The following INSC variants were observed in gnomAD, a reference collection of about 807,000 sequenced individuals.
The protein encoded by INSC is INSC spindle orientation adaptor protein, also known as protein inscuteable homolog.
In INSC, 67 loss-of-function variants were observed where a neutral mutation model predicts 58.6. The ratio of observed to expected loss-of-function variants is 1.14; its 90% CI spans 0.94 to 1.40. The LOEUF is 1.40. INSC is among the 40% of genes most tolerant of loss of function. The pLI is 0.00. For synonymous variants in INSC, 262 were observed against 276.1 expected, an observed-to-expected ratio of 0.95 and a Z score of 0.51; for missense variants, 714 against 692.0, an observed-to-expected ratio of 1.03 and a Z score of -0.36.
intron 2 of INSC, among the ~76,000 whole-genome samples, chr11:15,167,164 A>T (rs190989658): frequency 6.6e-6 from 1 of 152,100 alleles, no homozygotes; most frequent in East Asian, 1.9e-4. Flanking sequence ...AAATGTGAGC[A>T]GCTTGGGTGC....
intron 7 of INSC, among the ~76,000 whole-genome samples, chr11:15,203,135 T>C (rs893218721): frequency 2.0e-5 from 3 of 152,310 alleles, no homozygotes; most frequent in South Asian, 2.1e-4. Context: ...CTAAATAACA[T>C]AGTAAGTGTT....
At chr11:15,236,500 C>T (rs909358045) in intron 10 of INSC, among the ~76,000 whole-genome samples, 31 of 152,198 alleles carry the variant, frequency 2.0e-4, no homozygotes, top group African/African-American at 6.5e-4. Flanking sequence ...ATGTCTTGAG[C>T]CCTCACTGAG....
At chr11:15,181,287 T>A (rs1265511748) in intron 5 of INSC, among the ~76,000 whole-genome samples, 2 of 152,208 alleles carry the variant, frequency 1.3e-5, no homozygotes, top group Admixed American at 6.5e-5. Context: ...GGTCACAGAT[T>A]TAAAAATATT....
In INSC at chr11:15,190,917, T is replaced by G. The variant is rs540476354; in HGVS notation, c.693+103T>G. 39 of 725,242 alleles carry G rather than the reference T, an allele frequency of 5.4e-5. No individual in the cohort carries two copies. The East Asian group carries it at 8.6e-4, about 16-fold the overall frequency. 44.9% of individuals were successfully genotyped at this position (725,242 alleles called of 1,614,324 possible). A position where few individuals can be genotyped will look rare whatever the true frequency, so the allele number is the denominator to read the frequency against. On this transcript the variant is annotated intron_variant, in intron 6 of 12. Transcript: ENST00000379556. The stretch of plus-strand genomic sequence containing the variant: ...GGCTCACGAGGTCTGTCTTGGCCCC[T>G]GCATTAGCTGCTGAGTCTCCTTGGG...
At position 15,221,550 on chromosome 11, in the gene INSC, C is replaced by T. The variant is rs190828164; in HGVS notation, c.893C>T (p.Ala298Val). The T allele has an allele frequency of 7.7e-5, 124 of 1,614,050 alleles. No individual in the cohort carries two copies. Among genetic ancestry groups the T allele is most frequent in the East Asian group, 3.1e-4 (14 of 44,880 alleles). ...TCAGAGGCCACACGGGCTGAGGCTGCGGCTGTGGTGGCCCAGGTCACCTCC... is the reference window on the plus strand; with the variant it reads ...TCAGAGGCCACACGGGCTGAGGCTGTGGCTGTGGTGGCCCAGGTCACCTCC... ...SHSEATRAEA[A>V]AVVAQVTSPH... Residue 298 changes from alanine (A) to valine (V), a missense_variant, in exon 8 of 13, where the codon GCG becomes GTG. By Grantham distance (64) the Ala-to-Val change is moderately conservative. Coordinates refer to ENST00000379556, the MANE Select transcript of INSC (RefSeq NM_001042536.3).
intron 9 of INSC, among the ~76,000 whole-genome samples, chr11:15,231,069 AG>A (rs1851906486): frequency 6.6e-6 from 1 of 152,166 alleles, no homozygotes; most frequent in East Asian, 1.9e-4. Flanking sequence ...TGCCAGAGGG[AG>A]GAAAAGGCTC....
At chr11:15,195,854 T>C (rs1390491378) in intron 6 of INSC, among the ~76,000 whole-genome samples, 2 of 152,246 alleles carry the variant, frequency 1.3e-5, no homozygotes, top group African/African-American at 4.8e-5. Flanking sequence ...CTGGGCTGTA[T>C]ATTTAAGACA....
intron 2 of INSC, among the ~76,000 whole-genome samples, chr11:15,152,819 G>A (rs1212860542): frequency 6.6e-6 from 1 of 152,186 alleles, no homozygotes; most frequent in Non-Finnish European, 1.5e-5. Context: ...CTGCCAAAAA[G>A]AGGAATCTCG....
At chr11:15,260,240 A>G in the INSC span, among the ~76,000 whole-genome samples, 1 of 152,114 alleles carries the variant, frequency 6.6e-6, no homozygotes, top group East Asian at 1.9e-4. Context: ...CCCTGGACAC[A>G]GGATAGTGGC....
At position 15,171,919 on chromosome 11, in the gene INSC, C is replaced by T. The variant is rs139838305; in HGVS notation, c.57-3822C>T. On this transcript the variant is annotated intron_variant, in intron 2 of 12. Coordinates refer to ENST00000379556, the MANE Select transcript of INSC (RefSeq NM_001042536.3). Reference sequence around the variant, plus strand: ...AGTGCAGCTTAGTTCAGAAGCCCACCGCTGGATCAAGCACCAATTGTTTCC... The same window carrying T: ...AGTGCAGCTTAGTTCAGAAGCCCACTGCTGGATCAAGCACCAATTGTTTCC... 6.5e-3 allele frequency among the ~76,000 whole-genome samples: 984 copies of T among 152,252 alleles called. 8 individuals carry two copies. The highest frequency in any genetic ancestry group is 0.023 in the African/African-American group (940 of 41,546).
At chr11:15,134,897 C>A (rs1848207227) in intron 1 of INSC, among the ~76,000 whole-genome samples, 1 of 151,872 alleles carries the variant, frequency 6.6e-6, no homozygotes, top group South Asian at 2.1e-4. Flanking sequence ...GCTTTGGCAT[C>A]ACTCAACAGG....
chr11:15,234,814 T>C (rs1443233707), intron 9 of INSC, among the ~76,000 whole-genome samples: 1 of 152,200 alleles, frequency 6.6e-6, no homozygotes, highest in African/African-American at 2.4e-5. Flanking sequence ...TTTTGCAGTT[T>C]GGGGTCCCTG....
chr11:15,169,520 TG>T (rs372715823), intron 2 of INSC, among the ~76,000 whole-genome samples: 18 of 149,852 alleles, frequency 1.2e-4, no homozygotes, highest in South Asian at 1.1e-3. Context: ...TCACAGTTTT[TG>T]TTGTTGTTGT....
intron 5 of INSC, among the ~76,000 whole-genome samples, chr11:15,185,597 G>A (rs1180606391): frequency 6.6e-6 from 1 of 151,866 alleles, no homozygotes; most frequent in East Asian, 1.9e-4. Context: ...TGATAAGGGT[G>A]ATCAATAAAA....
intron 9 of INSC, among the ~76,000 whole-genome samples, chr11:15,232,995 C>A (rs1851981461): frequency 6.6e-6 from 1 of 152,166 alleles, no homozygotes. Context: ...TCATTTTAAG[C>A]CACTGAGTTT....
At chr11:15,254,252 G>A in the INSC span, among the ~76,000 whole-genome samples, 2 of 152,204 alleles carry the variant, frequency 1.3e-5, no homozygotes, top group Admixed American at 1.3e-4. Context: ...TAGGAAGAAA[G>A]TAGGGACTTA....
chr11:15,185,836 C>A (rs1849945245), intron 5 of INSC, among the ~76,000 whole-genome samples: 1 of 152,112 alleles, frequency 6.6e-6, no homozygotes, highest in Middle Eastern at 3.2e-3. Context: ...AAATTACATT[C>A]TTTCCAACTT....
chr11:15,213,170 T>C (rs1851093216), intron 7 of INSC, among the ~76,000 whole-genome samples: 1 of 152,058 alleles, frequency 6.6e-6, no homozygotes, highest in Admixed American at 6.5e-5. Context: ...CTTTAAGTTT[T>C]ACAAACTAAT....
At position 15,165,091 on chromosome 11, in the gene INSC, C is replaced by A. The variant is rs529761994; in HGVS notation, c.57-10650C>A. 9.2e-5 allele frequency among the ~76,000 whole-genome samples: 14 copies of A among 152,278 alleles called. No individual in the cohort carries two copies. In the South Asian group the frequency reaches 2.7e-3, roughly 29 times the overall value. Reference sequence around the variant, plus strand: ...TACAGCTGTTGGTGGTTTGTCCCCACTTGCTGGTATTTCGAAGTTTGTGGG... The same window carrying A: ...TACAGCTGTTGGTGGTTTGTCCCCAATTGCTGGTATTTCGAAGTTTGTGGG... On this transcript the variant is annotated intron_variant, in intron 2 of 12. Coordinates refer to ENST00000379556, the MANE Select transcript of INSC (RefSeq NM_001042536.3).
Sources: gnomAD v4.1 joint callset for allele counts (sites outside exome capture counted in the v4.1 genomes callset) on GRCh38, gnomAD v4.1.1 for gene constraint, MANE v1.5 for transcripts, NCBI Gene and HGNC (gene_info 2026-07-23, HGNC 2026-07-21) for gene names.